The following GALNTL6 variants were observed in gnomAD, a reference collection of about 807,000 sequenced individuals.
GALNTL6 encodes the protein polypeptide N-acetylgalactosaminyltransferase like 6.
GALNTL6 carries 46 observed loss-of-function variants against 73.7 expected under a neutral mutation model. That is an observed-to-expected ratio of 0.62 (90% CI 0.49 to 0.80). The LOEUF (loss-of-function observed/expected upper bound fraction) is 0.80, where lower values mean the gene tolerates loss of function less well. Among genes scored for constraint, GALNTL6 ranks in the 30% least tolerant of loss-of-function variants. The pLI is 0.00. For missense variants in GALNTL6, 604 were observed against 755.0 expected (o/e 0.80, Z 2.34); for synonymous variants, 259 against 263.7 (o/e 0.98, Z 0.17).
At chr4:172,105,087 A>T (rs1185824638) in intron 2 of GALNTL6, among the ~76,000 whole-genome samples, 1 of 152,192 alleles carries the variant, frequency 6.6e-6, no homozygotes, top group Non-Finnish European at 1.5e-5. Flanking sequence ...TAAATGTTCA[A>T]AGGGAAAAAA....
At chr4:172,624,227 T>C (rs1739069190) in intron 5 of GALNTL6, among the ~76,000 whole-genome samples, 2 of 152,112 alleles carry the variant, frequency 1.3e-5, no homozygotes, top group Non-Finnish European at 2.9e-5. Flanking sequence ...TATGATCAAA[T>C]GCAGAACTTA....
chr4:172,838,684 G>A (rs535994419), intron 7 of GALNTL6, among the ~76,000 whole-genome samples: 1 of 152,118 alleles, frequency 6.6e-6, no homozygotes, highest in Non-Finnish European at 1.5e-5. Flanking sequence ...TTTAGAAATA[G>A]CATGCTTTCC....
intron 5 of GALNTL6, among the ~76,000 whole-genome samples, chr4:172,408,296 A>G (rs898616577): frequency 6.6e-6 from 1 of 152,050 alleles, no homozygotes; most frequent in African/African-American, 2.4e-5. Flanking sequence ...GAATGATTGT[A>G]TGCTTAATTT....
At chr4:172,767,106 A>G (rs899617817) in intron 5 of GALNTL6, among the ~76,000 whole-genome samples, 2 of 152,220 alleles carry the variant, frequency 1.3e-5, no homozygotes, top group African/African-American at 4.8e-5. Context: ...AGAATATTGC[A>G]TGAGAATGGG....
At chr4:172,802,414 G>C (rs1252127464) in intron 5 of GALNTL6, among the ~76,000 whole-genome samples, 1 of 151,926 alleles carries the variant, frequency 6.6e-6, no homozygotes. Context: ...GTTTTTATTG[G>C]GGGTCTGAAG....
chr4:171,966,988 G>T (rs1739402917), intron 2 of GALNTL6, among the ~76,000 whole-genome samples: 1 of 151,920 alleles, frequency 6.6e-6, no homozygotes, highest in African/African-American at 2.4e-5. Flanking sequence ...ACTCCAAATA[G>T]CTCTAAGGAA....
At chr4:171,944,910 T>C (rs1738658671) in intron 2 of GALNTL6, among the ~76,000 whole-genome samples, 1 of 152,020 alleles carries the variant, frequency 6.6e-6, no homozygotes, top group Non-Finnish European at 1.5e-5. Flanking sequence ...GCTTTTATAA[T>C]ATTTTATTTA....
chr4:172,051,904 C>T (rs1730883920), intron 2 of GALNTL6, among the ~76,000 whole-genome samples: 1 of 152,086 alleles, frequency 6.6e-6, no homozygotes, highest in South Asian at 2.1e-4. Context: ...AGGCTTTGGG[C>T]CAAAGGGTGT....
At chr4:172,639,350 G>A (rs565887894) in intron 5 of GALNTL6, among the ~76,000 whole-genome samples, 27 of 152,072 alleles carry the variant, frequency 1.8e-4, no homozygotes, top group African/African-American at 6.3e-4. Context: ...CCCTCTATGT[G>A]TAGCTTAAAT....
At chr4:172,012,925 AG>A (rs778220192) in intron 2 of GALNTL6, among the ~76,000 whole-genome samples, 15 of 151,954 alleles carry the variant, frequency 9.9e-5, no homozygotes, top group Non-Finnish European at 2.1e-4. Flanking sequence ...CACCCCCAAA[AG>A]TTCTCTGGTA....
chr4:172,903,214 C>T (rs141084277), intron 8 of GALNTL6, among the ~76,000 whole-genome samples: 13 of 152,270 alleles, frequency 8.5e-5, no homozygotes, highest in African/African-American at 2.9e-4. Flanking sequence ...CTAACTGCCT[C>T]AATCTATACT....
Position 172,809,350 on chromosome 4 carries a change from T to G in GALNTL6, c.554-11T>G. The G allele has an allele frequency of 6.2e-7, 1 of 1,611,846 alleles. No individual in the cohort carries two copies. The highest frequency in any genetic ancestry group is 8.5e-7 in the Non-Finnish European group (1 of 1,178,508). ...TGCGTTTTTTCTATGCATTCTCTACTTCCTACCTAGAACACCTGAAGGATA... is the reference window on the plus strand; with the variant it reads ...TGCGTTTTTTCTATGCATTCTCTACGTCCTACCTAGAACACCTGAAGGATA... On this transcript the variant is annotated splice_polypyrimidine_tract_variant and intron_variant, in intron 5 of 12. Transcript: ENST00000506823. The surrounding 1 kb of genome is among the most constrained non-coding windows in gnomAD (Gnocchi z 4.4).
At chr4:172,249,704 A>G (rs1180020160) in intron 3 of GALNTL6, among the ~76,000 whole-genome samples, 1 of 152,180 alleles carries the variant, frequency 6.6e-6, no homozygotes, top group African/African-American at 2.4e-5. Context: ...AATGGGGGCC[A>G]TTGCTTCAGA....
At chr4:171,950,529 G>C (rs1373781475) in intron 2 of GALNTL6, among the ~76,000 whole-genome samples, 6 of 145,902 alleles carry the variant, frequency 4.1e-5, no homozygotes. Flanking sequence ...TGCCCAGACT[G>C]GAGTGCAGTG....
At chr4:172,673,960 A>C (rs1732135853) in intron 5 of GALNTL6, among the ~76,000 whole-genome samples, 1 of 152,156 alleles carries the variant, frequency 6.6e-6, no homozygotes, top group East Asian at 1.9e-4. Context: ...CATTTAGCCC[A>C]TTTACATTCA....
intron 7 of GALNTL6, among the ~76,000 whole-genome samples, chr4:172,882,295 G>GTAGTT (rs1448204759): frequency 6.6e-6 from 1 of 152,292 alleles, no homozygotes; most frequent in African/African-American, 2.4e-5. Flanking sequence ...CTGCCGATCT[G>GTAGTT]TAGTTTGTAA....
intron 9 of GALNTL6, among the ~76,000 whole-genome samples, chr4:172,937,771 G>A (rs1748697452): frequency 6.6e-6 from 1 of 152,044 alleles, no homozygotes; most frequent in Non-Finnish European, 1.5e-5. Flanking sequence ...GATGAGAAAA[G>A]GGTTAAATGA....
intron 5 of GALNTL6, among the ~76,000 whole-genome samples, chr4:172,716,946 G>A (rs12510199): frequency 0.15 from 22,326 of 152,026 alleles, 1,900 homozygotes; most frequent in East Asian, 0.26. Context: ...ATTAAAATGT[G>A]GCTGATAAAT....
At chr4:172,514,088 G>A (rs1406350447) in intron 5 of GALNTL6, among the ~76,000 whole-genome samples, 1 of 152,140 alleles carries the variant, frequency 6.6e-6, no homozygotes, top group Non-Finnish European at 1.5e-5. Flanking sequence ...TGGTAGTATA[G>A]AAGGGATACA....
Sources: gnomAD v4.1 joint callset for allele counts (sites outside exome capture counted in the v4.1 genomes callset) on GRCh38, gnomAD v4.1.1 for gene constraint, Gnocchi (gnomAD v3.1) non-coding constraint, MANE v1.5 for transcripts, NCBI Gene and HGNC (gene_info 2026-07-23, HGNC 2026-07-21) for gene names.